Variants in ADGRV1 observed in about 807,000 individuals in gnomAD.
ADGRV1 encodes the protein G-protein coupled receptor 98.
In ADGRV1, 359 loss-of-function variants were observed where a neutral mutation model predicts 596.2. The observed-to-expected ratio is 0.60, with a 90% CI of 0.55 to 0.66. The LOEUF is 0.66. Among genes scored for constraint, ADGRV1 ranks in the 30% least tolerant of loss-of-function variants. The pLI is 0.00. For missense variants in ADGRV1, 7,274 were observed against 7,575.6 expected, an observed-to-expected ratio of 0.96 and a Z score of 1.48; for synonymous variants, 2,681 against 2,679.2, an observed-to-expected ratio of 1.00 and a Z score of -0.02.
chr5:91,073,413 C>G (rs1469372119), intron 86 of ADGRV1, among the ~76,000 whole-genome samples: 2 of 152,248 alleles, frequency 1.3e-5, no homozygotes, highest in East Asian at 3.9e-4. Flanking sequence ...TAGAGGAATT[C>G]CTCACGTTTT....
At chr5:91,030,140 C>G (rs1442213033) in intron 85 of ADGRV1, among the ~76,000 whole-genome samples, 1 of 152,056 alleles carries the variant, frequency 6.6e-6, no homozygotes, top group Non-Finnish European at 1.5e-5. Flanking sequence ...CAACACCATA[C>G]TCTTTTAATT....
At chr5:90,598,615 C>T (rs529200577) in intron 1 of ADGRV1, among the ~76,000 whole-genome samples, 3 of 152,230 alleles carry the variant, frequency 2.0e-5, no homozygotes, top group South Asian at 4.1e-4. Flanking sequence ...CATCAGGTAC[C>T]GGAGCTCAGT....
chr5:90,707,227 A>C (rs775774241), intron 38 of ADGRV1, among the ~76,000 whole-genome samples: 2 of 152,160 alleles, frequency 1.3e-5, no homozygotes, highest in Non-Finnish European at 2.9e-5. Flanking sequence ...CATATTGTGG[A>C]ATCTCATGTT....
intron 86 of ADGRV1, among the ~76,000 whole-genome samples, chr5:91,093,908 G>A (rs929822935): frequency 6.7e-6 from 1 of 149,414 alleles, no homozygotes; most frequent in Non-Finnish European, 1.5e-5. Flanking sequence ...CTGGAGTGCA[G>A]TGGTGCGATC....
At chr5:91,124,750 G>C (rs1020105402) in intron 87 of ADGRV1, among the ~76,000 whole-genome samples, 1 of 152,128 alleles carries the variant, frequency 6.6e-6, no homozygotes, top group Non-Finnish European at 1.5e-5. Context: ...TACGGGGTCA[G>C]AAAGAAAAAT....
intron 74 of ADGRV1, among the ~76,000 whole-genome samples, chr5:90,814,741 T>C (rs1381203128): frequency 2.6e-5 from 4 of 152,200 alleles, no homozygotes; most frequent in Non-Finnish European, 4.4e-5. Context: ...CTTTTGTTTA[T>C]AAATTACCTA....
At chr5:90,718,910 C>T (rs991573916) in intron 43 of ADGRV1, among the ~76,000 whole-genome samples, 4 of 151,526 alleles carry the variant, frequency 2.6e-5, no homozygotes, top group African/African-American at 4.9e-5. Flanking sequence ...ATTTTTTAAC[C>T]GACATAACTG....
intron 77 of ADGRV1, among the ~76,000 whole-genome samples, chr5:90,838,918 T>A (rs1765196495): frequency 6.6e-6 from 1 of 152,176 alleles, no homozygotes; most frequent in Non-Finnish European, 1.5e-5. Flanking sequence ...CATTTAAATA[T>A]ATTTCTAGTC....
At chr5:90,614,588 C>A (rs1203185627) in intron 1 of ADGRV1, 4 of 439,598 alleles carry the variant, frequency 9.1e-6, no homozygotes, top group South Asian at 7.0e-5. Context: ...CAGCTATTAT[C>A]TTGGTATAGA....
chr5:91,129,237 C>CA (rs1380056205), intron 87 of ADGRV1, among the ~76,000 whole-genome samples: 2 of 151,846 alleles, frequency 1.3e-5, no homozygotes, highest in Non-Finnish European at 2.9e-5. Context: ...GCGAGAACAG[C>CA]AAAAATCATT....
At chr5:90,628,044 G>T (rs1263261294) in intron 7 of ADGRV1, 3 of 248,460 alleles carry the variant, frequency 1.2e-5, no homozygotes, top group African/African-American at 6.9e-5. Context: ...ATGATTCATA[G>T]TATAGTAGTT....
chr5:90,900,072 A>G (rs1248982941), intron 83 of ADGRV1, among the ~76,000 whole-genome samples: 3 of 152,226 alleles, frequency 2.0e-5, no homozygotes, highest in Non-Finnish European at 4.4e-5. Flanking sequence ...TATACAAACT[A>G]ACAAAGCAGA....
intron 83 of ADGRV1, among the ~76,000 whole-genome samples, chr5:90,960,622 C>T (rs545391841): frequency 6.6e-6 from 1 of 151,826 alleles, no homozygotes; most frequent in South Asian, 2.1e-4. Context: ...AAGGAATAAC[C>T]AGGTATTAAA....
At chr5:90,797,757 T>C (rs1450315080) in intron 70 of ADGRV1, among the ~76,000 whole-genome samples, 1 of 152,026 alleles carries the variant, frequency 6.6e-6, no homozygotes, top group African/African-American at 2.4e-5. Context: ...TGTGAAAGAA[T>C]GGAAATAATA....
chr5:90,768,224 G>A (rs993739305), intron 59 of ADGRV1, among the ~76,000 whole-genome samples: 1 of 152,170 alleles, frequency 6.6e-6, no homozygotes, highest in Non-Finnish European at 1.5e-5. Context: ...GCATGGGGTT[G>A]TTTCTAGATT....
At chr5:90,906,486 C>T (rs1245362055) in intron 83 of ADGRV1, among the ~76,000 whole-genome samples, 1 of 152,128 alleles carries the variant, frequency 6.6e-6, no homozygotes, top group Non-Finnish European at 1.5e-5. Flanking sequence ...TTGTCCATTT[C>T]TTCTAGATTT....
intron 85 of ADGRV1, among the ~76,000 whole-genome samples, chr5:91,038,402 T>C (rs1354226172): frequency 6.6e-6 from 1 of 152,142 alleles, no homozygotes; most frequent in Non-Finnish European, 1.5e-5. Flanking sequence ...AGGGGAAGGG[T>C]GAATGCAGAC....
chr5:91,132,317 T>A (rs1794286957), intron 87 of ADGRV1, among the ~76,000 whole-genome samples: 1 of 152,236 alleles, frequency 6.6e-6, no homozygotes. Context: ...TTTATAAATT[T>A]GATTTTTATT....
Position 90,617,819 on chromosome 5 carries a change from G to A in ADGRV1, c.223G>A (p.Ala75Thr), listed in dbSNP as rs769451565. 27 of 1,596,398 alleles carry A rather than the reference G, an allele frequency of 1.7e-5. No individual in the cohort carries two copies. Among genetic ancestry groups the A allele is most frequent in the Non-Finnish European group, 2.1e-5 (24 of 1,170,656 alleles). ...CATTTGATAGCTGTATGGAGAGGACGCTGGTGACTTTTTTGACACATATGC... is the reference window on the plus strand; with the variant it reads ...CATTTGATAGCTGTATGGAGAGGACACTGGTGACTTTTTTGACACATATGC... ...TAIVSLYGED[A>T]GDFFDTYAAA... The change falls in exon 3 of 90, where the codon GCT (alanine) becomes ACT (threonine). Residue 75 changes from alanine (A) to threonine (T), a missense_variant. Ala to Thr is a moderately conservative substitution (Grantham distance 58, BLOSUM62 0). This residue lies in a region of ADGRV1 where 1,715 missense variants were observed against 1,708.8 expected (regional missense o/e 1.00). Transcript: ENST00000405460.
Sources: gnomAD v4.1 joint callset for allele counts (sites outside exome capture counted in the v4.1 genomes callset) on GRCh38, gnomAD v4.1.1 for gene constraint, gnomAD v4.1.1 regional missense constraint, MANE v1.5 for transcripts, NCBI Gene and HGNC (gene_info 2026-07-23, HGNC 2026-07-21) for gene names.